Variants in TMCO5A observed in about 807,000 individuals in gnomAD.
TMCO5A encodes transmembrane and coiled-coil domain-containing protein 5A.
A neutral mutation model predicts 42.3 loss-of-function variants in TMCO5A; 34 were observed. The ratio of observed to expected loss-of-function variants is 0.80; its 90% CI spans 0.61 to 1.07. TMCO5A has a LOEUF of 1.07. Ranked by LOEUF, TMCO5A falls within the 50% of genes least tolerant of loss-of-function variation. The pLI, the probability that TMCO5A is intolerant of heterozygous loss-of-function variation, is 0.00. For synonymous variants in TMCO5A, 131 were observed against 115.6 expected (o/e 1.13, Z -0.86); for missense variants, 357 against 327.9 (o/e 1.09, Z -0.69).
chr15:37,972,306 T>C (rs574483903), downstream of TMCO5A, among the ~76,000 whole-genome samples: 5 of 152,284 alleles, frequency 3.3e-5, no homozygotes, highest in African/African-American at 1.2e-4. Flanking sequence ...GCCACCATGA[T>C]TCAATTACCT....
chr15:38,036,491 C>T, the TMCO5A span, among the ~76,000 whole-genome samples: 1 of 83,960 alleles, frequency 1.2e-5, no homozygotes. Flanking sequence ...TTGTCTCTCT[C>T]TCTCTCACAC....
intron 10 of TMCO5A, among the ~76,000 whole-genome samples, chr15:37,947,305 T>C (rs1433438872): frequency 6.6e-6 from 1 of 152,028 alleles, no homozygotes. Flanking sequence ...TAAGGGTCAC[T>C]GGCTGAGCAG....
At chr15:37,965,045 G>A (rs532175879) in intron 11 of TMCO5A, among the ~76,000 whole-genome samples, 7 of 152,210 alleles carry the variant, frequency 4.6e-5, no homozygotes, top group South Asian at 4.1e-4. Flanking sequence ...AAAGCAGCAC[G>A]GTACTGGCAT....
chr15:38,019,653 G>A, the TMCO5A span, among the ~76,000 whole-genome samples: 7 of 152,174 alleles, frequency 4.6e-5, no homozygotes, highest in African/African-American at 1.7e-4. Context: ...TGTCACTCAG[G>A]CTGGAGTGCA....
chr15:38,038,264 ATTTCATCTCTG>A, the TMCO5A span, among the ~76,000 whole-genome samples: 5 of 152,140 alleles, frequency 3.3e-5, no homozygotes, highest in African/African-American at 1.2e-4. Context: ...TACTCCATCC[ATTTCATCTCTG>A]TTTCCTATGA....
chr15:38,024,406 C>T, the TMCO5A span, among the ~76,000 whole-genome samples: 1 of 152,314 alleles, frequency 6.6e-6, no homozygotes, highest in South Asian at 2.1e-4. Flanking sequence ...CCTGTAATCA[C>T]TCACTGTGAT....
the TMCO5A span, among the ~76,000 whole-genome samples, chr15:38,009,967 T>G: frequency 6.6e-6 from 1 of 152,150 alleles, no homozygotes; most frequent in Non-Finnish European, 1.5e-5. Context: ...AAATGTCACC[T>G]TATATAGAAC....
chr15:37,973,847 T>C, the TMCO5A span, among the ~76,000 whole-genome samples: 1 of 152,088 alleles, frequency 6.6e-6, no homozygotes, highest in Non-Finnish European at 1.5e-5. Flanking sequence ...CTTGTTCCAA[T>C]TCTCAAATGT....
chr15:37,936,756 C>A, intron 3 of TMCO5A, 91 bp from the exon 4 acceptor site: 1 of 1,531,490 alleles, frequency 6.5e-7, no homozygotes, highest in Non-Finnish European at 8.9e-7. Context: ...TGTACACTGT[C>A]CCTGAAGTTC....
the TMCO5A span, among the ~76,000 whole-genome samples, chr15:37,983,490 G>A: frequency 2.0e-4 from 31 of 152,270 alleles, no homozygotes; most frequent in Admixed American, 2.0e-3. Context: ...CACAGCCCAA[G>A]GTAGGGGAAA....
chr15:37,941,286 T>C, intron 7 of TMCO5A, 81 bp downstream of exon 7: 2 of 1,387,192 alleles, frequency 1.4e-6, no homozygotes, highest in Non-Finnish European at 2.0e-6. Flanking sequence ...TCTCAAGTGA[T>C]TGATTTACAT....
the TMCO5A span, among the ~76,000 whole-genome samples, chr15:38,013,026 G>A: frequency 1.3e-5 from 2 of 152,178 alleles, no homozygotes; most frequent in African/African-American, 2.4e-5. Flanking sequence ...TAGGATAGGA[G>A]AGAAGTCACA....
At chr15:37,985,107 T>C in the TMCO5A span, among the ~76,000 whole-genome samples, 5 of 151,144 alleles carry the variant, frequency 3.3e-5, no homozygotes, top group Admixed American at 6.6e-5. Context: ...AGCAAGGCAA[T>C]CTTAGAATCA....
At chr15:37,948,938 C>T (rs2140284100) in intron 11 of TMCO5A, among the ~76,000 whole-genome samples, 1 of 152,106 alleles carries the variant, frequency 6.6e-6, no homozygotes, top group Admixed American at 6.6e-5. Context: ...GTGCTGGCTC[C>T]TGTCACCAAG....
the TMCO5A span, among the ~76,000 whole-genome samples, chr15:38,017,818 T>TG: frequency 3.9e-5 from 6 of 152,208 alleles, no homozygotes; most frequent in Admixed American, 1.3e-4. Flanking sequence ...CCCTGTATGT[T>TG]GGGGGCAGGG....
At chr15:37,948,581 A>G (rs1389356037) in intron 11 of TMCO5A, among the ~76,000 whole-genome samples, 2 of 152,100 alleles carry the variant, frequency 1.3e-5, no homozygotes, top group Non-Finnish European at 2.9e-5. Context: ...ACTCCAACAC[A>G]AGGGCCCACA....
chr15:38,012,123 CA>C, the TMCO5A span, among the ~76,000 whole-genome samples: 180 of 98,448 alleles, frequency 1.8e-3, 1 homozygote, highest in African/African-American at 5.6e-3. Flanking sequence ...GACTCCGTCT[CA>C]AAAAAAAAAG....
At chr15:37,946,294 C>G (rs1209880037) in intron 10 of TMCO5A, among the ~76,000 whole-genome samples, 1 of 151,982 alleles carries the variant, frequency 6.6e-6, no homozygotes, top group South Asian at 2.1e-4. Context: ...AGTCAGGTAG[C>G]GTGATGACTC....
intron 11 of TMCO5A, among the ~76,000 whole-genome samples, chr15:37,964,814 T>C (rs1367024625): frequency 6.6e-6 from 1 of 152,160 alleles, no homozygotes; most frequent in African/African-American, 2.4e-5. Context: ...GAAGAATTAA[T>C]ATTGTTAAAA....
Sources: gnomAD v4.1 joint callset for allele counts (sites outside exome capture counted in the v4.1 genomes callset) on GRCh38, gnomAD v4.1.1 for gene constraint, MANE v1.5 for transcripts, NCBI Gene and HGNC (gene_info 2026-07-23, HGNC 2026-07-21) for gene names.